Variants in SGCG observed in about 807,000 individuals in gnomAD.
SGCG encodes sarcoglycan gamma.
In SGCG, 26 loss-of-function variants were observed where a neutral mutation model predicts 29.3. The observed-to-expected ratio is 0.89, with a 90% CI of 0.65 to 1.23. The LOEUF (loss-of-function observed/expected upper bound fraction) is 1.23, where lower values mean the gene tolerates loss of function less well. Ranked by LOEUF, SGCG falls within the 50% of genes most tolerant of loss-of-function variation. SGCG has a pLI of 0.00. For missense variants in SGCG, 353 were observed against 356.0 expected, an observed-to-expected ratio of 0.99 and a Z score of 0.07; for synonymous variants, 145 against 129.7, an observed-to-expected ratio of 1.12 and a Z score of -0.80.
chr13:23,211,981 A>G (rs888946023), intron 2 of SGCG, among the ~76,000 whole-genome samples: 1 of 152,120 alleles, frequency 6.6e-6, no homozygotes, highest in Admixed American at 6.6e-5. Context: ...GCTTGGCACC[A>G]TCCCCTTGGT....
At chr13:23,291,378 A>G (rs1286290273) in intron 5 of SGCG, among the ~76,000 whole-genome samples, 1 of 152,210 alleles carries the variant, frequency 6.6e-6, no homozygotes, top group Admixed American at 6.5e-5. Context: ...TATATTTCTT[A>G]TATCATCTTG....
At chr13:23,242,728 G>T (rs566628446) in intron 3 of SGCG, among the ~76,000 whole-genome samples, 1 of 152,138 alleles carries the variant, frequency 6.6e-6, no homozygotes, top group African/African-American at 2.4e-5. Context: ...ATATAGTGGT[G>T]GTTGTACAAT....
chr13:23,195,951 A>G (rs12429497), intron 1 of SGCG, among the ~76,000 whole-genome samples: 68,461 of 151,378 alleles, frequency 0.45, 15,657 homozygotes, highest in Admixed American at 0.51. Flanking sequence ...AATACAAAAG[A>G]AATTTGGGAA....
At chr13:23,190,327 T>C (rs1877193604) in intron 1 of SGCG, among the ~76,000 whole-genome samples, 1 of 152,168 alleles carries the variant, frequency 6.6e-6, no homozygotes, top group Non-Finnish European at 1.5e-5. Context: ...AAGATGGATG[T>C]AGTATCATCA....
upstream of SGCG, among the ~76,000 whole-genome samples, chr13:23,178,341 G>A (rs55950211): frequency 0.011 from 1,661 of 152,326 alleles, 29 homozygotes; most frequent in African/African-American, 0.038. Flanking sequence ...TGGTGAGTGA[G>A]GGAGAGCCCT....
chr13:23,272,966 T>C (rs1880924950), intron 4 of SGCG, among the ~76,000 whole-genome samples: 1 of 152,204 alleles, frequency 6.6e-6, no homozygotes, highest in African/African-American at 2.4e-5. Flanking sequence ...TGTCATTCCA[T>C]GTGTTGTGTA....
At chr13:23,301,817 G>C (rs762201575) in intron 6 of SGCG, among the ~76,000 whole-genome samples, 1 of 151,744 alleles carries the variant, frequency 6.6e-6, no homozygotes, top group Non-Finnish European at 1.5e-5. Context: ...GCTTGAACCC[G>C]GGAGGCAGAG....
At chr13:23,245,268 C>T (rs1879662778) in intron 3 of SGCG, 3 of 152,114 alleles carry the variant, frequency 2.0e-5, no homozygotes, top group African/African-American at 7.2e-5. Flanking sequence ...TAATTCCAAA[C>T]GTAGCTCCTA....
intron 5 of SGCG, among the ~76,000 whole-genome samples, chr13:23,291,746 T>A (rs1011993829): frequency 6.6e-6 from 1 of 152,218 alleles, no homozygotes; most frequent in Non-Finnish European, 1.5e-5. Flanking sequence ...ATTTAAAAAC[T>A]AATTACTGAG....
chr13:23,265,792 G>A (rs1197574610), intron 4 of SGCG, among the ~76,000 whole-genome samples: 1 of 152,140 alleles, frequency 6.6e-6, no homozygotes, highest in African/African-American at 2.4e-5. Context: ...CGAATGTGGT[G>A]AAAAAGGAAT....
chr13:23,279,726 C>T (rs567738376), intron 5 of SGCG, among the ~76,000 whole-genome samples: 8 of 151,846 alleles, frequency 5.3e-5, no homozygotes, highest in Non-Finnish European at 7.4e-5. Flanking sequence ...TTCCTCCCTT[C>T]CTTCTTTTTT....
At chr13:23,287,996 G>C (rs1380925138) in intron 5 of SGCG, among the ~76,000 whole-genome samples, 2 of 152,092 alleles carry the variant, frequency 1.3e-5, no homozygotes, top group Non-Finnish European at 2.9e-5. Flanking sequence ...CTCGTGATCT[G>C]CCCGCCTCAG....
intron 1 of SGCG, among the ~76,000 whole-genome samples, chr13:23,188,480 ATTTTTTTT>A (rs71218545): frequency 3.3e-5 from 4 of 120,470 alleles, no homozygotes; most frequent in South Asian, 2.6e-4. Context: ...CGCCTGCCTA[ATTTTTTTT>A]TTTTTTTTTT....
intron 6 of SGCG, 147 bp from the exon 7 acceptor site, chr13:23,320,490 T>C: frequency 1.4e-6 from 1 of 690,280 alleles, no homozygotes; most frequent in Non-Finnish European, 2.5e-6. Flanking sequence ...TATCAATGAA[T>C]AATGCACAAT....
intron 2 of SGCG, among the ~76,000 whole-genome samples, chr13:23,220,825 G>C (rs1224028107): frequency 6.6e-6 from 1 of 152,144 alleles, no homozygotes; most frequent in African/African-American, 2.4e-5. Flanking sequence ...TAGTCTCTTT[G>C]TGAGTATTAG....
chr13:23,306,629 G>T (rs1194923367), intron 6 of SGCG, among the ~76,000 whole-genome samples: 1 of 152,146 alleles, frequency 6.6e-6, no homozygotes, highest in Non-Finnish European at 1.5e-5. Context: ...TTAGTTCCAA[G>T]TATGTATATT....
At chr13:23,252,414 G>T (rs536267066) in intron 4 of SGCG, among the ~76,000 whole-genome samples, 2 of 152,074 alleles carry the variant, frequency 1.3e-5, no homozygotes, top group Admixed American at 1.3e-4. Context: ...ATTAGCGGCC[G>T]GGCACGGTGG....
At chr13:23,290,472 T>C (rs1881657822) in intron 5 of SGCG, among the ~76,000 whole-genome samples, 1 of 152,176 alleles carries the variant, frequency 6.6e-6, no homozygotes, top group South Asian at 2.1e-4. Context: ...TCTCAGAATT[T>C]GGACCCAGGA....
chr13:23,309,203 G>A (rs1882468287), intron 6 of SGCG, among the ~76,000 whole-genome samples: 1 of 151,898 alleles, frequency 6.6e-6, no homozygotes, highest in Non-Finnish European at 1.5e-5. Flanking sequence ...ACTGATCATT[G>A]TTATTAGTTT....
Sources: allele counts gnomAD v4.1 joint callset (sites outside exome capture counted in the v4.1 genomes callset), GRCh38; gene constraint gnomAD v4.1.1; transcripts MANE v1.5; gene names NCBI Gene and HGNC (gene_info 2026-07-23, HGNC 2026-07-21).